Variants in CNBD1 observed in about 807,000 individuals in gnomAD.
CNBD1 encodes cyclic nucleotide binding domain containing 1.
A neutral mutation model predicts 54.4 loss-of-function variants in CNBD1; 71 were observed. That is an observed-to-expected ratio of 1.30 (90% CI 1.08 to 1.59). CNBD1 has a LOEUF of 1.59. CNBD1 is among the 40% of genes most tolerant of loss of function. The probability of loss-of-function intolerance (pLI) is 0.00; values close to 1 mark genes in which losing one functional copy is unlikely to be tolerated. For missense variants in CNBD1, 659 were observed against 518.0 expected (o/e 1.27, Z -2.64); for synonymous variants, 182 against 170.7 (o/e 1.07, Z -0.51).
intron 3 of CNBD1, among the ~76,000 whole-genome samples, chr8:86,915,802 G>A (rs1809174750): frequency 1.3e-5 from 2 of 152,162 alleles, no homozygotes; most frequent in African/African-American, 2.4e-5. Flanking sequence ...TTGCCACTCA[G>A]TAACTATATG....
chr8:86,942,033 C>T (rs1807331045), intron 4 of CNBD1, among the ~76,000 whole-genome samples: 1 of 152,112 alleles, frequency 6.6e-6, no homozygotes, highest in South Asian at 2.1e-4. Context: ...CTGTGACAGC[C>T]ACCAAATTAC....
chr8:87,108,612 G>T (rs1462265121), intron 4 of CNBD1, among the ~76,000 whole-genome samples: 1 of 152,214 alleles, frequency 6.6e-6, no homozygotes, highest in African/African-American at 2.4e-5. Context: ...TTAAAAGAAG[G>T]TGTGTTGGAG....
At chr8:87,276,591 G>A (rs1808484844) in intron 6 of CNBD1, among the ~76,000 whole-genome samples, 1 of 151,878 alleles carries the variant, frequency 6.6e-6, no homozygotes, top group Admixed American at 6.6e-5. Context: ...TTGAATGTCA[G>A]TCTGCTTTAT....
At chr8:87,169,063 C>T (rs1226559259) in intron 4 of CNBD1, among the ~76,000 whole-genome samples, 1 of 151,996 alleles carries the variant, frequency 6.6e-6, no homozygotes. Context: ...TAACAGGGTT[C>T]CCTTTTCTCC....
chr8:87,366,977 A>G (rs10504830), intron 10 of CNBD1, among the ~76,000 whole-genome samples: 25,390 of 151,932 alleles, frequency 0.17, 2,972 homozygotes, highest in African/African-American at 0.34. Flanking sequence ...TTTGCCTGTA[A>G]TTCCTTAATA....
chr8:87,045,582 G>A lies in CNBD1; in HGVS notation c.431+105828G>A, dbSNP rs187113838. On this transcript the variant is annotated intron_variant, in intron 4 of 10. Coordinates refer to ENST00000518476, the MANE Select transcript of CNBD1 (RefSeq NM_173538.3). Reference sequence around the variant, plus strand: ...CTACTAAAAATACAAAAAATTAGCCGGGCGTGGTGGCAGGTGCCTGGAGTC... The same window carrying A: ...CTACTAAAAATACAAAAAATTAGCCAGGCGTGGTGGCAGGTGCCTGGAGTC... Among the ~76,000 whole-genome samples the A allele has an allele frequency of 2.2e-3, 321 of 148,600 alleles. 1 individual carries two copies. The highest frequency in any genetic ancestry group is 7.3e-3 in the African/African-American group (293 of 40,160).
chr8:87,378,523 T>A (rs1381342040), intron 10 of CNBD1, among the ~76,000 whole-genome samples: 6 of 151,168 alleles, frequency 4.0e-5, no homozygotes, highest in East Asian at 1.9e-4. Flanking sequence ...ATCTCTGTTT[T>A]GGTACCAGTA....
At chr8:87,335,953 T>A (rs2130914460) in intron 8 of CNBD1, among the ~76,000 whole-genome samples, 1 of 152,320 alleles carries the variant, frequency 6.6e-6, no homozygotes, top group South Asian at 2.1e-4. Context: ...TTATTTCTCC[T>A]TTGCTTCTGA....
At chr8:87,371,241 G>A (rs1368460646) in intron 10 of CNBD1, among the ~76,000 whole-genome samples, 3 of 151,962 alleles carry the variant, frequency 2.0e-5, no homozygotes, top group Non-Finnish European at 2.9e-5. Flanking sequence ...GAACTTTAAA[G>A]TAGTTTTTTC....
chr8:87,333,341 CTCTT>C (rs1809874569), intron 8 of CNBD1, among the ~76,000 whole-genome samples: 1 of 152,156 alleles, frequency 6.6e-6, no homozygotes, highest in Non-Finnish European at 1.5e-5. Flanking sequence ...TTTACTTCCT[CTCTT>C]TCTATTTGAA....
chr8:87,288,879 G>C (rs1371372107), intron 8 of CNBD1, among the ~76,000 whole-genome samples: 1 of 152,002 alleles, frequency 6.6e-6, no homozygotes, highest in Non-Finnish European at 1.5e-5. Context: ...AATCATCAAA[G>C]CCCTATGAGT....
chr8:87,076,102 T>A (rs932143548), intron 4 of CNBD1, among the ~76,000 whole-genome samples: 3 of 152,062 alleles, frequency 2.0e-5, no homozygotes, highest in Non-Finnish European at 2.9e-5. Flanking sequence ...GGGATAAGAG[T>A]GAGGAAGGCA....
chr8:87,201,903 C>T (rs892511699), intron 4 of CNBD1, among the ~76,000 whole-genome samples: 1 of 152,060 alleles, frequency 6.6e-6, no homozygotes, highest in South Asian at 2.1e-4. Flanking sequence ...CAGGAGCCTG[C>T]CACCACACCT....
At chr8:87,293,062 G>A (rs189314719) in intron 8 of CNBD1, among the ~76,000 whole-genome samples, 18 of 152,146 alleles carry the variant, frequency 1.2e-4, no homozygotes, top group Non-Finnish European at 2.1e-4. Context: ...AAAGGGCTGC[G>A]CACTGGGTGT....
At chr8:87,246,930 G>A (rs1331841800) in intron 6 of CNBD1, among the ~76,000 whole-genome samples, 1 of 152,078 alleles carries the variant, frequency 6.6e-6, no homozygotes, top group Non-Finnish European at 1.5e-5. Flanking sequence ...CCCTGAGCTT[G>A]TTTTCCTGGA....
At chr8:87,406,533 T>G (rs993123718) in intron 2 of CNBD1, among the ~76,000 whole-genome samples, 1 of 150,132 alleles carries the variant, frequency 6.7e-6, no homozygotes, top group Non-Finnish European at 1.5e-5. Flanking sequence ...AGGCTGGAGT[T>G]CAGTGGCACG....
In CNBD1 at chr8:86,888,289, T is replaced by G. The variant is rs147619306; in HGVS notation, c.158+678T>G. Among the ~76,000 whole-genome samples, 281 of 152,274 alleles carry G rather than the reference T, an allele frequency of 1.8e-3. 1 individual carries two copies. The highest frequency in any genetic ancestry group is 6.1e-3 in the African/African-American group (254 of 41,550). ...ATTATTTTTATACTGTTGTCTATTTTCTCATTTCTTCTGTCTCAGAGAGAG... is the reference window on the plus strand; with the variant it reads ...ATTATTTTTATACTGTTGTCTATTTGCTCATTTCTTCTGTCTCAGAGAGAG... On this transcript the variant is annotated intron_variant, in intron 2 of 10. Transcript: ENST00000518476.
chr8:87,116,021 C>T (rs1050894200), intron 4 of CNBD1, among the ~76,000 whole-genome samples: 2 of 152,066 alleles, frequency 1.3e-5, no homozygotes, highest in Non-Finnish European at 2.9e-5. Flanking sequence ...TCCCTTGGAA[C>T]ACTCTCTTCA....
intron 4 of CNBD1, among the ~76,000 whole-genome samples, chr8:87,164,318 G>A (rs978895184): frequency 1.3e-5 from 2 of 151,796 alleles, no homozygotes; most frequent in Non-Finnish European, 2.9e-5. Flanking sequence ...AATAAGTTTG[G>A]AAGTGTTGTC....
Sources: gnomAD v4.1 joint callset for allele counts (sites outside exome capture counted in the v4.1 genomes callset) on GRCh38, gnomAD v4.1.1 for gene constraint, MANE v1.5 for transcripts, NCBI Gene and HGNC (gene_info 2026-07-23, HGNC 2026-07-21) for gene names.